ZSWIM6: variants seen among roughly 807,000 people sequenced by gnomAD.
The protein encoded by ZSWIM6 is zinc finger SWIM-type containing 6.
In ZSWIM6, 9 loss-of-function variants were observed where a neutral mutation model predicts 113.2. The ratio of observed to expected loss-of-function variants is 0.08; its 90% CI spans 0.05 to 0.14. ZSWIM6 has a LOEUF of 0.14. Ranked by LOEUF, ZSWIM6 falls within the 10% of genes least tolerant of loss-of-function variation. ZSWIM6 has a pLI of 1.00. For missense variants in ZSWIM6, 1,162 were observed against 1,552.2 expected, an observed-to-expected ratio of 0.75 and a Z score of 4.22; for synonymous variants, 611 against 606.5, an observed-to-expected ratio of 1.01 and a Z score of -0.11.
At chr5:61,344,377 T>A (rs1019875560) in intron 1 of ZSWIM6, among the ~76,000 whole-genome samples, 3 of 152,232 alleles carry the variant, frequency 2.0e-5, no homozygotes, top group Admixed American at 6.5e-5. Context: ...CAATGGCTGC[T>A]TTGTGATGAT....
chr5:61,423,323 G>A (rs569024457), intron 1 of ZSWIM6, among the ~76,000 whole-genome samples: 2 of 151,890 alleles, frequency 1.3e-5, no homozygotes, highest in East Asian at 1.9e-4. Context: ...CAGGAGAATC[G>A]CTTGAACCTG....
intron 11 of ZSWIM6, 108 bp downstream of exon 11, chr5:61,539,079 G>C: frequency 8.2e-7 from 1 of 1,225,938 alleles, no homozygotes; most frequent in South Asian, 2.2e-5. Context: ...ATGTCAGATA[G>C]GTTGAAGGGA....
At chr5:61,374,126 G>T (rs989567490) in intron 1 of ZSWIM6, among the ~76,000 whole-genome samples, 1 of 152,080 alleles carries the variant, frequency 6.6e-6, no homozygotes, top group Non-Finnish European at 1.5e-5. Context: ...TTCTAATTTG[G>T]AATGTCCTTT....
intron 5 of ZSWIM6, 83 bp from the exon 6 acceptor site, chr5:61,525,717 A>G (rs1361988879): frequency 6.8e-7 from 1 of 1,480,348 alleles, no homozygotes; most frequent in Non-Finnish European, 9.1e-7. Flanking sequence ...GTGTTCATGA[A>G]CATCTGGCCA....
chr5:61,360,014 GAGA>G (rs1744999601), intron 1 of ZSWIM6, among the ~76,000 whole-genome samples: 1 of 151,708 alleles, frequency 6.6e-6, no homozygotes, highest in Non-Finnish European at 1.5e-5. Flanking sequence ...GAGAGAGAGA[GAGA>G]GAGGGAGAAT....
intron 1 of ZSWIM6, among the ~76,000 whole-genome samples, chr5:61,435,053 G>T (rs984741762): frequency 6.6e-6 from 1 of 152,128 alleles, no homozygotes; most frequent in African/African-American, 2.4e-5. Flanking sequence ...TAGTACCTGT[G>T]TTCTGGACAG....
intron 1 of ZSWIM6, among the ~76,000 whole-genome samples, chr5:61,458,927 A>G (rs1411425052): frequency 2.0e-5 from 3 of 151,910 alleles, no homozygotes; most frequent in Middle Eastern, 3.2e-3. Flanking sequence ...CGAGGTAAAC[A>G]GCTAATTGGT....
chr5:61,424,187 A>T (rs1332232656), intron 1 of ZSWIM6, among the ~76,000 whole-genome samples: 1 of 152,198 alleles, frequency 6.6e-6, no homozygotes, highest in East Asian at 1.9e-4. Context: ...GGACTTTAAT[A>T]TAAGGAGTAT....
chr5:61,488,266 A>G (rs1452925424), intron 2 of ZSWIM6, among the ~76,000 whole-genome samples: 1 of 151,866 alleles, frequency 6.6e-6, no homozygotes, highest in Non-Finnish European at 1.5e-5. Context: ...GTTTGCTAGT[A>G]TTTTTTAAGG....
At chr5:61,535,866 T>C (rs935145763) in intron 10 of ZSWIM6, among the ~76,000 whole-genome samples, 2 of 152,226 alleles carry the variant, frequency 1.3e-5, no homozygotes, top group Non-Finnish European at 2.9e-5. Flanking sequence ...TTCCTACTTT[T>C]TCGTGAAGCA....
chr5:61,530,444 C>T (rs1222456826), intron 8 of ZSWIM6, among the ~76,000 whole-genome samples: 1 of 152,172 alleles, frequency 6.6e-6, no homozygotes, highest in Non-Finnish European at 1.5e-5. Flanking sequence ...TCTCTTCTAA[C>T]CAGTGATTCT....
At chr5:61,501,076 G>C (rs147551205) in intron 4 of ZSWIM6, among the ~76,000 whole-genome samples, 1 of 152,224 alleles carries the variant, frequency 6.6e-6, no homozygotes, top group Non-Finnish European at 1.5e-5. Context: ...TGCTGAGAAG[G>C]CTTTACTTCC....
chr5:61,482,082 C>T (rs963633983), intron 2 of ZSWIM6, among the ~76,000 whole-genome samples: 3 of 152,084 alleles, frequency 2.0e-5, no homozygotes, highest in Non-Finnish European at 2.9e-5. Context: ...TTTCTTTTTG[C>T]ATTCCCTTCT....
intron 1 of ZSWIM6, among the ~76,000 whole-genome samples, chr5:61,374,854 A>C (rs1414286861): frequency 2.0e-5 from 3 of 152,048 alleles, no homozygotes; most frequent in Non-Finnish European, 4.4e-5. Context: ...CGCGCCCGGC[A>C]GGGTTGTTTC....
chr5:61,490,604 T>G (rs1051758586), intron 2 of ZSWIM6, among the ~76,000 whole-genome samples, 182 bp from the exon 3 acceptor site: 3 of 152,098 alleles, frequency 2.0e-5, no homozygotes, highest in Admixed American at 6.6e-5. Flanking sequence ...TGCATTTGAC[T>G]TAGCACAAAT....
At chr5:61,429,815 G>A (rs1228070194) in intron 1 of ZSWIM6, among the ~76,000 whole-genome samples, 2 of 152,160 alleles carry the variant, frequency 1.3e-5, no homozygotes, top group Non-Finnish European at 2.9e-5. Context: ...ACACTCCATT[G>A]CTCAGCTCCA....
At chr5:61,405,321 A>G (rs1416862067) in intron 1 of ZSWIM6, among the ~76,000 whole-genome samples, 1 of 152,244 alleles carries the variant, frequency 6.6e-6, no homozygotes, top group East Asian at 1.9e-4. Context: ...TTTTTAAATA[A>G]ATAGGATCTA....
chr5:61,385,022 T>G (rs1745565032), intron 1 of ZSWIM6, among the ~76,000 whole-genome samples: 1 of 152,136 alleles, frequency 6.6e-6, no homozygotes, highest in Non-Finnish European at 1.5e-5. Flanking sequence ...ATCGTGCCAC[T>G]GCACTCCAAC....
At chr5:61,408,768 C>T (rs532863631) in intron 1 of ZSWIM6, among the ~76,000 whole-genome samples, 2 of 152,392 alleles carry the variant, frequency 1.3e-5, no homozygotes, top group South Asian at 2.1e-4. Context: ...TTCCTCACTA[C>T]AGCTGAGGGC....
Sources: gnomAD v4.1 joint callset for allele counts (sites outside exome capture counted in the v4.1 genomes callset) on GRCh38, gnomAD v4.1.1 for gene constraint, MANE v1.5 for transcripts, NCBI Gene and HGNC (gene_info 2026-07-23, HGNC 2026-07-21) for gene names.